The following TPRG1 variants were observed in gnomAD, a reference collection of about 807,000 sequenced individuals.
TPRG1 encodes the protein tumor protein p63-regulated gene 1 protein.
A neutral mutation model predicts 29.3 loss-of-function variants in TPRG1; 29 were observed. The observed-to-expected ratio is 0.99, with a 90% CI of 0.74 to 1.35. The LOEUF is 1.35. Ranked by LOEUF, TPRG1 falls within the 40% of genes most tolerant of loss-of-function variation. TPRG1 has a pLI of 0.00. For missense variants in TPRG1, 327 were observed against 335.0 expected (o/e 0.98, Z 0.19); for synonymous variants, 130 against 116.8 (o/e 1.11, Z -0.73).
At chr3:189,147,373 G>C (rs1725402564) in intron 3 of TPRG1, among the ~76,000 whole-genome samples, 1 of 152,224 alleles carries the variant, frequency 6.6e-6, no homozygotes. Flanking sequence ...TGTGGATGCA[G>C]GTGGATATGG....
intron 1 of TPRG1, among the ~76,000 whole-genome samples, chr3:188,998,014 C>A (rs191098540): frequency 6.9e-4 from 104 of 151,804 alleles, no homozygotes; most frequent in African/African-American, 2.4e-3. Context: ...TCATTCCCTC[C>A]CTCACTCATT....
intron 2 of TPRG1, among the ~76,000 whole-genome samples, chr3:189,127,644 G>T (rs963235601): frequency 1.3e-5 from 2 of 152,224 alleles, no homozygotes; most frequent in African/African-American, 4.8e-5. Context: ...CCCAGGTAAA[G>T]GTCTTAAGGT....
intron 3 of TPRG1, among the ~76,000 whole-genome samples, chr3:189,139,064 C>T (rs1724165473): frequency 6.6e-6 from 1 of 152,194 alleles, no homozygotes; most frequent in Admixed American, 6.5e-5. Flanking sequence ...GCCAAGTAGA[C>T]AACTTACAGC....
At chr3:189,282,124 G>A (rs748458248) in intron 4 of TPRG1, among the ~76,000 whole-genome samples, 9 of 142,834 alleles carry the variant, frequency 6.3e-5, no homozygotes, top group Non-Finnish European at 1.0e-4. Context: ...CAGGCAATCC[G>A]CCCGCCTTGG....
chr3:189,191,127 G>A (rs1403025093), intron 1 of TPRG1: 1 of 215,650 alleles, frequency 4.6e-6, no homozygotes, highest in Non-Finnish European at 7.9e-6. Context: ...TACACATATG[G>A]TCATATATAA....
At chr3:189,248,700 T>C (rs1308715998) in intron 4 of TPRG1, among the ~76,000 whole-genome samples, 1 of 151,242 alleles carries the variant, frequency 6.6e-6, no homozygotes, top group Admixed American at 6.6e-5. Context: ...TGAGAATAGA[T>C]TGAAGTAACT....
chr3:189,182,418 C>A (rs911072990), intron 1 of TPRG1, among the ~76,000 whole-genome samples: 2 of 152,306 alleles, frequency 1.3e-5, no homozygotes, highest in African/African-American at 2.4e-5. Context: ...AAACAAATAT[C>A]TGACTAACAT....
At chr3:189,225,908 G>T (rs1737652302) in intron 3 of TPRG1, among the ~76,000 whole-genome samples, 1 of 152,136 alleles carries the variant, frequency 6.6e-6, no homozygotes, top group Non-Finnish European at 1.5e-5. Flanking sequence ...CAGGGACAGA[G>T]AAGGATATTA....
intron 4 of TPRG1, among the ~76,000 whole-genome samples, chr3:189,274,935 AGTGTGTGTGTGTGTGTGTGTGT>A (rs57386934): frequency 1.5e-5 from 2 of 137,646 alleles, no homozygotes; most frequent in African/African-American, 5.4e-5. Flanking sequence ...TAATGTAATG[AGTGTGTGTGTGTGTGTGTGTGT>A]GTGTGTGTGT....
At chr3:189,054,856 A>T (rs947265806) in intron 4 of TPRG1, among the ~76,000 whole-genome samples, 1 of 152,212 alleles carries the variant, frequency 6.6e-6, no homozygotes, top group African/African-American at 2.4e-5. Context: ...TGTTTAAAAT[A>T]GTTTGAGAAT....
chr3:189,207,335 G>A, intron 1 of TPRG1, 41 bp from the exon 2 acceptor site: 2 of 1,607,364 alleles, frequency 1.2e-6, no homozygotes, highest in South Asian at 1.1e-5. Context: ...CAGGTACAGA[G>A]GTAACATTTT....
At chr3:189,156,106 A>G (rs917322253) in intron 5 of TPRG1, among the ~76,000 whole-genome samples, 3 of 152,156 alleles carry the variant, frequency 2.0e-5, no homozygotes, top group Non-Finnish European at 4.4e-5. Context: ...AAATATATAC[A>G]ATATTTATTT....
At chr3:189,122,989 C>T (rs1722012183) in intron 1 of TPRG1, among the ~76,000 whole-genome samples, 1 of 152,152 alleles carries the variant, frequency 6.6e-6, no homozygotes, top group South Asian at 2.1e-4. Flanking sequence ...CTTTGTCCTC[C>T]TTGTATCAGG....
intron 4 of TPRG1, among the ~76,000 whole-genome samples, chr3:189,251,573 G>C (rs967479699): frequency 5.9e-5 from 9 of 152,296 alleles, no homozygotes; most frequent in African/African-American, 2.2e-4. Flanking sequence ...TTCTTAGAGA[G>C]GGGGATGTGG....
At chr3:189,064,435 A>G (rs1472178975) in intron 4 of TPRG1, among the ~76,000 whole-genome samples, 2 of 152,188 alleles carry the variant, frequency 1.3e-5, no homozygotes, top group Admixed American at 6.6e-5. Context: ...ACACAAGAAA[A>G]AAAAATTCAA....
chr3:189,036,050 G>C (rs2152131944), intron 4 of TPRG1, among the ~76,000 whole-genome samples: 1 of 151,702 alleles, frequency 6.6e-6, no homozygotes, highest in South Asian at 2.1e-4. Context: ...ATTGGATAAA[G>C]AAAATATGGT....
chr3:189,005,016 A>C (rs1338710457), intron 3 of TPRG1, among the ~76,000 whole-genome samples: 1 of 152,132 alleles, frequency 6.6e-6, no homozygotes, highest in Non-Finnish European at 1.5e-5. Context: ...AAAGACAAGC[A>C]TCACATGTTC....
At chr3:189,108,987 CT>C (rs939127034) in intron 1 of TPRG1, among the ~76,000 whole-genome samples, 1 of 152,052 alleles carries the variant, frequency 6.6e-6, no homozygotes, top group Non-Finnish European at 1.5e-5. Flanking sequence ...GCCTGCTTGT[CT>C]TTCTGACATT....
intron 4 of TPRG1, among the ~76,000 whole-genome samples, chr3:189,293,997 A>G (rs1156884020): frequency 1.3e-5 from 2 of 152,210 alleles, no homozygotes; most frequent in Admixed American, 1.3e-4. Context: ...CTATCTGTCC[A>G]ACCTTTTGGC....
Sources: allele counts gnomAD v4.1 joint callset (sites outside exome capture counted in the v4.1 genomes callset), GRCh38; gene constraint gnomAD v4.1.1; transcripts MANE v1.5; gene names NCBI Gene and HGNC (gene_info 2026-07-23, HGNC 2026-07-21).